Variants in UBE2F observed in about 807,000 individuals in gnomAD.
UBE2F encodes the protein ubiquitin conjugating enzyme E2 F (putative).
A neutral mutation model predicts 29.6 loss-of-function variants in UBE2F; 5 were observed. That is an observed-to-expected ratio of 0.17 (90% CI 0.09 to 0.36). UBE2F has a LOEUF of 0.36. Among genes scored for constraint, UBE2F ranks in the 10% least tolerant of loss-of-function variants. The probability of loss-of-function intolerance (pLI) is 1.00; values close to 1 mark genes in which losing one functional copy is unlikely to be tolerated. For synonymous variants in UBE2F, 66 were observed against 81.8 expected, an observed-to-expected ratio of 0.81 and a Z score of 1.04; for missense variants, 141 against 228.5, an observed-to-expected ratio of 0.62 and a Z score of 2.47.
chr2:237,990,381 G>C, intron 3 of UBE2F: 1 of 451,314 alleles, frequency 2.2e-6, no homozygotes, highest in Middle Eastern at 4.0e-4. Flanking sequence ...CCCCCAACTT[G>C]AGCCTGTATA....
intron 2 of UBE2F, among the ~76,000 whole-genome samples, chr2:237,976,574 A>G (rs1377689084): frequency 1.3e-5 from 2 of 152,034 alleles, no homozygotes; most frequent in Non-Finnish European, 2.9e-5. Flanking sequence ...TGCTTCAAAG[A>G]TAGCACCTTG....
intron 3 of UBE2F, among the ~76,000 whole-genome samples, chr2:237,988,999 TTCTC>T (rs761619484): frequency 6.6e-6 from 1 of 152,246 alleles, no homozygotes; most frequent in Non-Finnish European, 1.5e-5. Flanking sequence ...ACATGTCGTA[TTCTC>T]TCTATCATTA....
At chr2:238,012,462 A>T (rs980006203) in intron 4 of UBE2F, among the ~76,000 whole-genome samples, 1 of 152,228 alleles carries the variant, frequency 6.6e-6, no homozygotes, top group Non-Finnish European at 1.5e-5. Context: ...ATGCTGAGGA[A>T]GAGTTGAGAG....
chr2:238,010,988 G>C (rs1335912321), intron 4 of UBE2F, among the ~76,000 whole-genome samples: 1 of 151,982 alleles, frequency 6.6e-6, no homozygotes, highest in African/African-American at 2.4e-5. Context: ...GCAAATTCTG[G>C]TGTTGCTGCC....
chr2:237,992,907 A>T (rs970194971), intron 3 of UBE2F, among the ~76,000 whole-genome samples: 10 of 152,220 alleles, frequency 6.6e-5, no homozygotes, highest in African/African-American at 1.9e-4. Flanking sequence ...ACAAATTTTT[A>T]AAAAGTCTTC....
chr2:238,030,534 A>G (rs762159603), intron 6 of UBE2F, 22 bp from the exon 7 acceptor site: 19 of 1,605,904 alleles, frequency 1.2e-5, no homozygotes, highest in Non-Finnish European at 1.5e-5. Context: ...CTCACTAACC[A>G]CTGTGTGTTT....
At chr2:237,990,053 G>C (rs2063551221) in intron 3 of UBE2F, among the ~76,000 whole-genome samples, 1 of 151,218 alleles carries the variant, frequency 6.6e-6, no homozygotes, top group Non-Finnish European at 1.5e-5. Flanking sequence ...AGGAGGCGGA[G>C]GTTGCGGTGA....
intron 8 of UBE2F, 69 bp from the exon 9 acceptor site, chr2:238,035,809 T>C (rs2064696066): frequency 3.0e-6 from 4 of 1,341,030 alleles, no homozygotes; most frequent in African/African-American, 1.4e-5. Context: ...TACTGTGCCA[T>C]AAAATGAAGA....
At position 237,967,067 on chromosome 2, in the gene UBE2F, A is replaced by G. The variant is rs2063068882; in HGVS notation, c.-82A>G. 7.5e-7 allele frequency: 1 copy of G among 1,324,644 alleles called. No homozygotes were observed. Among genetic ancestry groups the G allele is most frequent in the East Asian group, 3.2e-5 (1 of 31,278 alleles). 82.1% of individuals were successfully genotyped at this position (1,324,644 alleles called of 1,614,324 possible). On this transcript the variant is annotated 5_prime_UTR_variant, in exon 1 of 10. Transcript: ENST00000272930. This position sits in a 1 kb window ranked among gnomAD's most constrained non-coding sequence, Gnocchi z 6.3. The stretch of plus-strand genomic sequence containing the variant: ...GCGGCTGTGAGGGGCCGCGTCTCGC[A>G]GCAGCCGCCCGGACCGGGCATGGTG...
At chr2:238,039,460 G>C (rs762151222) in intron 9 of UBE2F, among the ~76,000 whole-genome samples, 4 of 152,234 alleles carry the variant, frequency 2.6e-5, no homozygotes, top group Non-Finnish European at 4.4e-5. Flanking sequence ...AATAGTAGGA[G>C]CCAGGCACGC....
chr2:238,029,577 CAGAG>C (rs1353085744), intron 6 of UBE2F, among the ~76,000 whole-genome samples: 2 of 131,002 alleles, frequency 1.5e-5, no homozygotes, highest in Non-Finnish European at 3.2e-5. Flanking sequence ...GCCTGGGAGA[CAGAG>C]AGAGACTCCG....
chr2:237,968,073 C>T (rs955684444), intron 1 of UBE2F, among the ~76,000 whole-genome samples: 5 of 152,076 alleles, frequency 3.3e-5, no homozygotes, highest in Admixed American at 6.5e-5. Flanking sequence ...ACCTGGGTAT[C>T]AGACTGAATA....
intron 2 of UBE2F, among the ~76,000 whole-genome samples, chr2:237,978,520 T>G (rs968418635): frequency 6.6e-6 from 1 of 152,214 alleles, no homozygotes; most frequent in Non-Finnish European, 1.5e-5. Context: ...TCTGGAAACA[T>G]GTGGCCTGCT....
At chr2:238,003,719 T>C (rs1051246152) in intron 4 of UBE2F, among the ~76,000 whole-genome samples, 10 of 152,224 alleles carry the variant, frequency 6.6e-5, no homozygotes, top group African/African-American at 2.4e-4. Flanking sequence ...TGATGGTGTC[T>C]TTTATGTGGC....
chr2:237,997,982 A>T (rs1291065287), intron 4 of UBE2F, among the ~76,000 whole-genome samples: 1 of 152,236 alleles, frequency 6.6e-6, no homozygotes, highest in Non-Finnish European at 1.5e-5. Context: ...AGTTAGTGGG[A>T]CAGTTTGAAA....
rs759292608 is a variant in UBE2F at position 238,032,210 on chromosome 2, T to C, written c.412-12T>C. Reference sequence around the variant, plus strand: ...GCTTAAAACTTGTTTTCTGTTTTCTTTTTTATTTCAGGATGTCGTTTGGGG... The same window carrying C: ...GCTTAAAACTTGTTTTCTGTTTTCTCTTTTATTTCAGGATGTCGTTTGGGG... On this transcript the variant is annotated splice_polypyrimidine_tract_variant and intron_variant, in intron 7 of 9. Coordinates refer to ENST00000272930, the MANE Select transcript of UBE2F (RefSeq NM_080678.3). 1.4e-5 allele frequency: 23 copies of C among 1,612,404 alleles called. No homozygotes were observed. In the Admixed American group the frequency reaches 3.7e-4, roughly 26 times the overall value.
chr2:237,973,727 T>C, intron 2 of UBE2F: 1 of 1,281,410 alleles, frequency 7.8e-7, no homozygotes, highest in Middle Eastern at 2.8e-4. Flanking sequence ...AGAGTTTTCG[T>C]GACTTCTGCT....
intron 6 of UBE2F, among the ~76,000 whole-genome samples, chr2:238,027,506 G>A (rs2064459664): frequency 6.6e-6 from 1 of 152,196 alleles, no homozygotes; most frequent in African/African-American, 2.4e-5. Context: ...GGAGGAGTGT[G>A]TGACAGAGAG....
At chr2:237,999,072 TTTTA>T (rs1332743913) in intron 4 of UBE2F, among the ~76,000 whole-genome samples, 1 of 151,326 alleles carries the variant, frequency 6.6e-6, no homozygotes, top group Non-Finnish European at 1.5e-5. Flanking sequence ...GAGGAATTTC[TTTTA>T]TTTATTTATT....
Sources: gnomAD v4.1 joint callset for allele counts (sites outside exome capture counted in the v4.1 genomes callset) on GRCh38, gnomAD v4.1.1 for gene constraint, Gnocchi (gnomAD v3.1) non-coding constraint, MANE v1.5 for transcripts, NCBI Gene and HGNC (gene_info 2026-07-23, HGNC 2026-07-21) for gene names.